The following MAF variants were observed in gnomAD, a reference collection of about 807,000 sequenced individuals.
MAF encodes the protein transcription factor Maf.
A neutral mutation model predicts 22.0 loss-of-function variants in MAF; 10 were observed. The ratio of observed to expected loss-of-function variants is 0.45; its 90% confidence interval spans 0.28 to 0.77. MAF has a LOEUF of 0.77. Ranked by LOEUF, MAF falls within the 30% of genes least tolerant of loss-of-function variation. The pLI is 0.12. For missense variants in MAF, 544 were observed against 548.4 expected (o/e 0.99, Z 0.08); for synonymous variants, 337 against 255.8 (o/e 1.32, Z -3.03).
the MAF span, among the ~76,000 whole-genome samples, chr16:79,406,493 G>T: frequency 6.6e-6 from 1 of 152,096 alleles, no homozygotes; most frequent in East Asian, 1.9e-4. Context: ...GTTCATAGAT[G>T]GTGCCTTCAA....
At chr16:79,366,914 C>G in the MAF span, among the ~76,000 whole-genome samples, 248 of 152,322 alleles carry the variant, frequency 1.6e-3, 4 homozygotes, top group African/African-American at 5.7e-3. Flanking sequence ...GTATCAAAGA[C>G]TATTGAAAGT....
the MAF span, among the ~76,000 whole-genome samples, chr16:79,571,530 A>ATTTTTTTTTTTTTTTT: frequency 4.8e-5 from 5 of 103,882 alleles, no homozygotes; most frequent in African/African-American, 1.9e-4. Flanking sequence ...TCTCAGCGGA[A>ATTTTTTTTTTTTTTTT]TTTTTTTTTT....
the MAF span, among the ~76,000 whole-genome samples, chr16:79,401,506 T>C: frequency 6.6e-6 from 1 of 152,134 alleles, no homozygotes; most frequent in Non-Finnish European, 1.5e-5. Flanking sequence ...TATATTTTAT[T>C]GGAGCAGGGA....
At chr16:79,451,534 C>T in the MAF span, among the ~76,000 whole-genome samples, 73 of 152,256 alleles carry the variant, frequency 4.8e-4, no homozygotes, top group Middle Eastern at 6.8e-3. Flanking sequence ...TGTTATTTTG[C>T]GGTTCAAGCT....
the MAF span, among the ~76,000 whole-genome samples, chr16:79,388,489 C>T: frequency 6.6e-6 from 1 of 152,178 alleles, no homozygotes. Context: ...TCATTCTTTG[C>T]TATTTTCTTT....
chr16:79,280,289 G>A, the MAF span, among the ~76,000 whole-genome samples: 6 of 152,184 alleles, frequency 3.9e-5, no homozygotes, highest in Admixed American at 3.9e-4. Flanking sequence ...AGAGGTCTGG[G>A]GCAGACTCAC....
At chr16:79,406,485 T>C in the MAF span, among the ~76,000 whole-genome samples, 1 of 152,144 alleles carries the variant, frequency 6.6e-6, no homozygotes, top group African/African-American at 2.4e-5. Flanking sequence ...GGGTTCAGGT[T>C]CATAGATGGT....
At chr16:79,488,376 T>A in the MAF span, among the ~76,000 whole-genome samples, 1 of 152,192 alleles carries the variant, frequency 6.6e-6, no homozygotes, top group Admixed American at 6.5e-5. Context: ...TAGGAGGCTC[T>A]GGGGCGAGAC....
At chr16:79,446,888 C>T in the MAF span, among the ~76,000 whole-genome samples, 1 of 151,636 alleles carries the variant, frequency 6.6e-6, no homozygotes, top group South Asian at 2.1e-4. Flanking sequence ...TGCACTCCAG[C>T]CTGGGTGACA....
chr16:79,576,643 C>T, the MAF span, among the ~76,000 whole-genome samples: 10 of 151,826 alleles, frequency 6.6e-5, no homozygotes, highest in Admixed American at 3.3e-4. Flanking sequence ...AGGAGGGAAA[C>T]GTCCAATATC....
the MAF span, among the ~76,000 whole-genome samples, chr16:79,213,962 A>G: frequency 8.5e-5 from 13 of 152,124 alleles, no homozygotes; most frequent in Admixed American, 5.9e-4. Context: ...CACTTTATCC[A>G]CTAGAAGCCA....
At chr16:79,428,738 G>A in the MAF span, among the ~76,000 whole-genome samples, 1 of 152,122 alleles carries the variant, frequency 6.6e-6, no homozygotes, top group Admixed American at 6.5e-5. Flanking sequence ...CTAGCTACTT[G>A]GGAGGCTGAG....
At chr16:79,391,300 G>C in the MAF span, among the ~76,000 whole-genome samples, 1 of 152,174 alleles carries the variant, frequency 6.6e-6, no homozygotes, top group East Asian at 1.9e-4. Context: ...AGATTATTTA[G>C]AAAATGTTCA....
At chr16:79,262,725 G>A in the MAF span, among the ~76,000 whole-genome samples, 2 of 152,170 alleles carry the variant, frequency 1.3e-5, no homozygotes, top group Admixed American at 6.5e-5. Context: ...TCTAGGGAAG[G>A]AGTCAATGCT....
the MAF span, among the ~76,000 whole-genome samples, chr16:79,449,486 T>C: frequency 6.6e-6 from 1 of 152,246 alleles, no homozygotes; most frequent in Non-Finnish European, 1.5e-5. Context: ...CTCAGCTTTC[T>C]GAGTTTTACT....
At chr16:79,209,253 C>T in the MAF span, among the ~76,000 whole-genome samples, 3 of 152,300 alleles carry the variant, frequency 2.0e-5, no homozygotes, top group Non-Finnish European at 4.4e-5. Context: ...AGGTAGGTCC[C>T]CAGCTCCTGC....
the MAF span, among the ~76,000 whole-genome samples, chr16:79,303,493 T>C: frequency 6.6e-6 from 1 of 152,172 alleles, no homozygotes; most frequent in African/African-American, 2.4e-5. Context: ...GGCTAGATTC[T>C]CTCTTGCCTT....
At chr16:79,469,581 T>A in the MAF span, among the ~76,000 whole-genome samples, 1 of 152,080 alleles carries the variant, frequency 6.6e-6, no homozygotes, top group Non-Finnish European at 1.5e-5. Flanking sequence ...GTCTCATTTA[T>A]TTATTTATTT....
At chr16:79,591,432 T>C (rs1913185429), downstream of MAF, among the ~76,000 whole-genome samples, 2 of 152,148 alleles carry the variant, frequency 1.3e-5, no homozygotes, top group African/African-American at 4.8e-5. Context: ...TGCATCTCTG[T>C]AGAAGAGAGG....
Sources: gnomAD v4.1 joint callset for allele counts (sites outside exome capture counted in the v4.1 genomes callset) on GRCh38, gnomAD v4.1.1 for gene constraint, MANE v1.5 for transcripts, NCBI Gene and HGNC (gene_info 2026-07-23, HGNC 2026-07-21) for gene names.